BRI3BP: variants seen among roughly 807,000 people sequenced by gnomAD.
BRI3BP encodes the protein BRI3-binding protein.
A neutral mutation model predicts 15.8 loss-of-function variants in BRI3BP; 7 were observed. The ratio of observed to expected loss-of-function variants is 0.44; its 90% CI spans 0.25 to 0.83. The LOEUF (loss-of-function observed/expected upper bound fraction) is 0.83. Among genes scored for constraint, BRI3BP ranks in the 40% least tolerant of loss-of-function variants. The pLI is 0.20. For missense variants in BRI3BP, 320 were observed against 339.3 expected (o/e 0.94, Z 0.45); for synonymous variants, 192 against 163.5 (o/e 1.17, Z -1.33).
At chr12:125,022,743 T>C (rs1390665489) in intron 2 of BRI3BP, among the ~76,000 whole-genome samples, 1 of 152,046 alleles carries the variant, frequency 6.6e-6, no homozygotes, top group African/African-American at 2.4e-5. Context: ...GCCAGGCTGG[T>C]CTCAAACTCC....
the BRI3BP span, among the ~76,000 whole-genome samples, chr12:125,039,314 T>A: frequency 6.6e-6 from 1 of 152,188 alleles, no homozygotes; most frequent in African/African-American, 2.4e-5. Flanking sequence ...TAATAGTTTT[T>A]TTTCAAATGC....
intron 1 of BRI3BP, among the ~76,000 whole-genome samples, chr12:125,005,738 A>G (rs908009445): frequency 1.3e-4 from 19 of 151,506 alleles, no homozygotes; most frequent in Non-Finnish European, 2.4e-4. Context: ...AGATCGCGCC[A>G]CTGCACTTCA....
At chr12:125,014,542 C>T (rs575170450) in intron 2 of BRI3BP, among the ~76,000 whole-genome samples, 9 of 152,332 alleles carry the variant, frequency 5.9e-5, no homozygotes, top group South Asian at 4.1e-4. Context: ...TGGAGTCATA[C>T]GGGACACACT....
intron 1 of BRI3BP, among the ~76,000 whole-genome samples, chr12:124,999,200 A>G (rs190047872): frequency 4.7e-4 from 72 of 152,272 alleles, no homozygotes; most frequent in African/African-American, 1.3e-3. Flanking sequence ...AGGTCGAGAA[A>G]CTAGTACTTT....
chr12:125,049,979 C>T, the BRI3BP span, among the ~76,000 whole-genome samples: 3 of 152,194 alleles, frequency 2.0e-5, no homozygotes, highest in Non-Finnish European at 4.4e-5. Flanking sequence ...CCGAGCGGAG[C>T]CGAGCAGCTT....
At chr12:125,009,246 G>T (rs1955174489) in intron 1 of BRI3BP, among the ~76,000 whole-genome samples, 1 of 149,562 alleles carries the variant, frequency 6.7e-6, no homozygotes, top group Non-Finnish European at 1.5e-5. Context: ...CTCCCAAAGT[G>T]CTGGGATTAC....
intron 2 of BRI3BP, among the ~76,000 whole-genome samples, chr12:125,021,107 C>T (rs995181975): frequency 1.3e-5 from 2 of 152,158 alleles, no homozygotes; most frequent in African/African-American, 2.4e-5. Context: ...AAAGTCAGCT[C>T]CCAAGTCAAC....
At chr12:125,033,656 A>C (rs1852930374), downstream of BRI3BP, among the ~76,000 whole-genome samples, 1 of 151,872 alleles carries the variant, frequency 6.6e-6, no homozygotes, top group South Asian at 2.1e-4. Flanking sequence ...ATAAGCCACT[A>C]ATCCATTGAG....
intron 1 of BRI3BP, among the ~76,000 whole-genome samples, chr12:125,002,327 A>G (rs912611452): frequency 6.6e-6 from 1 of 150,652 alleles, no homozygotes; most frequent in Non-Finnish European, 1.5e-5. Flanking sequence ...GCCTACCAGC[A>G]TGTGGGGCCT....
rs1313646370 is a variant in BRI3BP at position 125,029,556 on chromosome 12, G to A, written c.*4126G>A. ...CAAAAAAAAAAAAAAGTGTGTGTGT[G>A]TGTATATATATGTATATATATATAC... On this transcript the variant is annotated 3_prime_UTR_variant, in exon 3 of 3. Transcript: ENST00000341446. 1 of 143,720 alleles carries A rather than the reference G, an allele frequency of 7.0e-6. No homozygotes were observed. The highest frequency in any genetic ancestry group is 1.5e-5 in the Non-Finnish European group (1 of 67,118). 8.9% of individuals were successfully genotyped at this position (143,720 alleles called of 1,614,324 possible).
At chr12:125,034,734 C>T (rs1242334022), downstream of BRI3BP, among the ~76,000 whole-genome samples, 6 of 152,206 alleles carry the variant, frequency 3.9e-5, no homozygotes, top group South Asian at 2.1e-4. Flanking sequence ...GGACTACAGG[C>T]GCCTGCCACC....
chr12:124,993,911 G>T lies in BRI3BP; in HGVS notation c.121G>T (p.Ala41Ser). The change falls in exon 1 of 3, where the codon GCG (alanine) becomes TCG (serine). Residue 41 changes from alanine (A) to serine (S), a missense_variant. Ala to Ser is a moderately conservative substitution (Grantham distance 99). Transcript: ENST00000341446. ...GAQGARGRGG[A>S]EKNSYRRTVN... The stretch of plus-strand genomic sequence containing the variant: ...GCAGGGGGCGCGGGGCCGCGGCGGC[G>T]CGGAGAAGAACAGCTACCGCCGCAC... 7.7e-7 allele frequency: 1 copy of T among 1,295,776 alleles called. No individual in the cohort carries two copies. 80.3% of individuals were successfully genotyped at this position (1,295,776 alleles called of 1,614,324 possible).
rs1955388125 is a variant in BRI3BP at position 125,029,371 on chromosome 12, A to G, written c.*3941A>G. On this transcript the variant is annotated 3_prime_UTR_variant, in exon 3 of 3. Transcript: ENST00000341446. ...TCTACCAAAAAATACAAAAAAAAAAAAAAAAAAAAAAATAGCCAGGTGTGG... is the reference window on the plus strand; with the variant it reads ...TCTACCAAAAAATACAAAAAAAAAAGAAAAAAAAAAAATAGCCAGGTGTGG... 6.7e-6 allele frequency: 1 copy of G among 149,540 alleles called. No homozygotes were observed. Among genetic ancestry groups the G allele is most frequent in the Non-Finnish European group, 1.5e-5 (1 of 67,312 alleles). 9.3% of individuals were successfully genotyped at this position (149,540 alleles called of 1,614,324 possible).
the BRI3BP span, among the ~76,000 whole-genome samples, chr12:125,036,886 T>G: frequency 6.6e-6 from 1 of 152,172 alleles, no homozygotes; most frequent in Admixed American, 6.6e-5. Context: ...GGCTGTTTTT[T>G]AACCAGGGAG....
At chr12:125,020,326 GC>G (rs1955285866) in intron 2 of BRI3BP, among the ~76,000 whole-genome samples, 1 of 152,168 alleles carries the variant, frequency 6.6e-6, no homozygotes, top group Non-Finnish European at 1.5e-5. Flanking sequence ...TGTGGGGAGA[GC>G]CCTTTCTTGT....
chr12:125,012,745 G>T (rs924382337), intron 2 of BRI3BP, 109 bp downstream of exon 2: 1 of 848,234 alleles, frequency 1.2e-6, no homozygotes. Flanking sequence ...GCGGAGGGCT[G>T]GTCAGTGAGG....
At chr12:125,040,656 A>G in the BRI3BP span, among the ~76,000 whole-genome samples, 1 of 150,780 alleles carries the variant, frequency 6.6e-6, no homozygotes, top group Non-Finnish European at 1.5e-5. Flanking sequence ...AAGTATAGTT[A>G]TTTTTCATAA....
At chr12:125,000,557 C>CT (rs370321789) in intron 1 of BRI3BP, among the ~76,000 whole-genome samples, 8,943 of 152,144 alleles carry the variant, frequency 0.059, 405 homozygotes, top group Admixed American at 0.14. Context: ...TCATGATTGC[C>CT]TGCCTCGGCC....
At chr12:125,043,983 C>A in the BRI3BP span, among the ~76,000 whole-genome samples, 1 of 149,426 alleles carries the variant, frequency 6.7e-6, no homozygotes, top group African/African-American at 2.5e-5. Flanking sequence ...TGTGATCACA[C>A]CATTGCACTC....
Sources: gnomAD v4.1 joint callset for allele counts (sites outside exome capture counted in the v4.1 genomes callset) on GRCh38, gnomAD v4.1.1 for gene constraint, MANE v1.5 for transcripts, NCBI Gene and HGNC (gene_info 2026-07-23, HGNC 2026-07-21) for gene names.